The following MAST3 variants were observed in gnomAD, a reference collection of about 807,000 sequenced individuals.
The protein encoded by MAST3 is microtubule associated serine/threonine kinase 3.
A neutral mutation model predicts 127.0 loss-of-function variants in MAST3; 43 were observed. The observed-to-expected ratio is 0.34, with a 90% CI of 0.27 to 0.44. The LOEUF (loss-of-function observed/expected upper bound fraction) is 0.44. MAST3 is among the 20% of genes least tolerant of loss of function. The pLI, the probability that MAST3 is intolerant of heterozygous loss-of-function variation, is 1.00. For missense variants in MAST3, 1,390 were observed against 1,919.1 expected (o/e 0.72, Z 5.15); for synonymous variants, 785 against 809.2 (o/e 0.97, Z 0.51).
rs148746052 is a variant in MAST3 at position 18,139,005 on chromosome 19, C to T, written c.2096-10C>T. Reference sequence around the variant, plus strand: ...ATCAGGCGTGCTGCATGTGCCTCTCCCTCCCACAGCACGTTCGGAACGTTA... The same window carrying T: ...ATCAGGCGTGCTGCATGTGCCTCTCTCTCCCACAGCACGTTCGGAACGTTA... On this transcript the variant is annotated splice_polypyrimidine_tract_variant and intron_variant, in intron 19 of 27. Transcript: ENST00000687212. 7.0e-6 allele frequency: 11 copies of T among 1,564,304 alleles called. No homozygotes were observed. In the East Asian group the frequency reaches 2.6e-4, roughly 37 times the overall value.
chr19:18,143,634 G>A, intron 21 of MAST3, 129 bp from the exon 22 acceptor site: 1 of 1,167,976 alleles, frequency 8.6e-7, no homozygotes, highest in African/African-American at 1.5e-5. Context: ...GCAGACAGAA[G>A]GAACTCGTCC....
chr19:18,098,559 A>G (rs1169694753), intron 1 of MAST3, among the ~76,000 whole-genome samples: 2 of 152,142 alleles, frequency 1.3e-5, no homozygotes, highest in Admixed American at 1.3e-4. Context: ...CGGGGACAGC[A>G]GAAGCCTAAG....
intron 21 of MAST3, among the ~76,000 whole-genome samples, chr19:18,142,772 C>A (rs2042641255): frequency 6.6e-6 from 1 of 151,702 alleles, no homozygotes. Context: ...TCTCAAGTAG[C>A]TGGGACTACA....
intron 17 of MAST3, 85 bp from the exon 18 acceptor site, chr19:18,135,655 G>A (rs2041820904): frequency 5.8e-6 from 6 of 1,036,348 alleles, no homozygotes; most frequent in Non-Finnish European, 8.7e-6. Context: ...GTACAGTGAA[G>A]TGAGGGGAAA....
Position 18,137,390 on chromosome 19 carries a change from C to T in MAST3, c.2095+29C>T, listed in dbSNP as rs374893924. ...AGGAGGGATCCCCCTGGAGGGGGGG[C>T]GGGGGGTGCTCTGCCATCCCTCAGT... On this transcript the variant is annotated intron_variant, in intron 19 of 27. Coordinates refer to ENST00000687212, the MANE Select transcript of MAST3 (RefSeq NM_001393504.1). 49 of 1,601,746 alleles carry T rather than the reference C, an allele frequency of 3.1e-5. 1 individual carries two copies. Among genetic ancestry groups the T allele is most frequent in the East Asian group, 2.2e-4 (10 of 44,728 alleles).
Position 18,124,790 on chromosome 19 carries a change from A to G in MAST3, c.1078+16A>G, listed in dbSNP as rs1463442487. 6.3e-7 allele frequency: 1 copy of G among 1,575,006 alleles called. No individual in the cohort carries two copies. Among genetic ancestry groups the G allele is most frequent in the East Asian group, 2.3e-5 (1 of 44,340 alleles). On this transcript the variant is annotated intron_variant, in intron 11 of 27. Coordinates refer to ENST00000687212, the MANE Select transcript of MAST3 (RefSeq NM_001393504.1). Reference sequence around the variant, plus strand: ...CCCCTGGAGGGTAAGCCGGGATGGGAAGAGGAAACCAAGGCTGGGAAAGGC... The same window carrying G: ...CCCCTGGAGGGTAAGCCGGGATGGGGAGAGGAAACCAAGGCTGGGAAAGGC...
rs535354223 is a variant in MAST3 at position 18,135,109 on chromosome 19, C to T, written c.1870+127C>T. On this transcript the variant is annotated intron_variant, in intron 17 of 27. Transcript: ENST00000687212. ...GGGAGTTGGATGCCAGGTGGGGAGG[C>T]GGTGGGGTGCTGAGTGAGGCGGGTG... The T allele has an allele frequency of 9.0e-4, 1,006 of 1,120,484 alleles. 4 individuals carry two copies. The highest frequency in any genetic ancestry group is 6.5e-3 in the African/African-American group (416 of 64,176). The allele number at this position is 1,120,484 out of a possible 1,614,324, so 69.4% of individuals were successfully genotyped here. A position where few individuals can be genotyped will look rare whatever the true frequency, so the allele number is the denominator to read the frequency against.
intron 20 of MAST3, among the ~76,000 whole-genome samples, chr19:18,140,021 G>C (rs1232851223): frequency 3.3e-5 from 5 of 149,582 alleles, no homozygotes. Context: ...GGGTTTCACC[G>C]TGTTAGCCAG....
At chr19:18,098,211 TTAA>T (rs2146697321) in intron 1 of MAST3, among the ~76,000 whole-genome samples, 1 of 152,306 alleles carries the variant, frequency 6.6e-6, no homozygotes, top group African/African-American at 2.4e-5. Context: ...TTCATATGTA[TTAA>T]TACCTCCTTG....
rs2042938453 is a variant in MAST3, at chr19:18,145,555, G to A, written c.3040-188G>A. 6.6e-6 allele frequency among the ~76,000 whole-genome samples: 1 copy of A among 152,132 alleles called. No individual in the cohort carries two copies. On this transcript the variant is annotated intron_variant, in intron 24 of 27. Coordinates refer to ENST00000687212, the MANE Select transcript of MAST3 (RefSeq NM_001393504.1). This position sits in a 1 kb window ranked among gnomAD's most constrained non-coding sequence, Gnocchi z 5.9. Reference sequence around the variant, plus strand: ...GTTGCTCCCTGAACAGACACAGAAGGCTTTCTGGAGAAGGGGGCGTAGGAG... The same window carrying A: ...GTTGCTCCCTGAACAGACACAGAAGACTTTCTGGAGAAGGGGGCGTAGGAG...
chr19:18,144,299 T>C lies in MAST3; in HGVS notation c.2585-167T>C, dbSNP rs1294051860. ...CTGGAGGAGGGGACTTGAAGACTTT[T>C]GCATAGAGAATAATTTGGGAAGGGA... On this transcript the variant is annotated intron_variant, in intron 22 of 27. Coordinates refer to ENST00000687212, the MANE Select transcript of MAST3 (RefSeq NM_001393504.1). The surrounding 1 kb of genome is among the most constrained non-coding windows in gnomAD (Gnocchi z 4.0). Among the ~76,000 whole-genome samples the C allele has an allele frequency of 1.3e-5, 2 of 152,106 alleles. No individual in the cohort carries two copies. Among genetic ancestry groups the C allele is most frequent in the East Asian group, 3.9e-4 (2 of 5,186 alleles).
chr19:18,149,795 C>A lies in MAST3; in HGVS notation c.*69C>A. 6.3e-7 allele frequency: 1 copy of A among 1,589,690 alleles called. No homozygotes were observed. Among genetic ancestry groups the A allele is most frequent in the South Asian group, 1.1e-5 (1 of 89,410 alleles). ...TTGTGCAATGTTTTTTCCGTAAAGT[C>A]ATGCCTGGATGGGGACTGAGCCACC... On this transcript the variant is annotated 3_prime_UTR_variant, in exon 28 of 28. Transcript: ENST00000687212. This position sits in a 1 kb window ranked among gnomAD's most constrained non-coding sequence, Gnocchi z 5.9.
chr19:18,129,000 A>C, intron 13 of MAST3, 49 bp downstream of exon 13: 1 of 1,522,384 alleles, frequency 6.6e-7, no homozygotes, highest in South Asian at 1.1e-5. Flanking sequence ...GCCTGAGGGG[A>C]TGGTTGAGGC....
At chr19:18,131,148 GCTCACGCCTGTAGT>G (rs1681177486) in intron 14 of MAST3, among the ~76,000 whole-genome samples, 1 of 152,216 alleles carries the variant, frequency 6.6e-6, no homozygotes, top group Non-Finnish European at 1.5e-5. Context: ...TGGCGCGCTG[GCTCACGCCTGTAGT>G]CCCAGCACTT....
At chr19:18,132,870 A>G (rs1217990557) in intron 15 of MAST3, among the ~76,000 whole-genome samples, 1 of 152,204 alleles carries the variant, frequency 6.6e-6, no homozygotes, top group African/African-American at 2.4e-5. Context: ...TGGGAGGCCA[A>G]GGCGGGCGGA....
In MAST3 at chr19:18,149,454, C is replaced by A. The variant is rs970399350; in HGVS notation, c.3772C>A (p.Arg1258=). The change falls in exon 28 of 28, where the codon CGG becomes AGG. Residue 1258 remains arginine, a synonymous_variant. Transcript: ENST00000687212. This position sits in a 1 kb window ranked among gnomAD's most constrained non-coding sequence, Gnocchi z 5.9. ...PAPARSPRLR[R]GQSADKLGTG... is the part of the protein sequence containing the mutation. Reference sequence around the variant, plus strand: ...ACCTGCCCGATCCCCGCGGCTGCGCCGGGGCCAGTCAGCTGACAAGCTGGG... The same window carrying A: ...ACCTGCCCGATCCCCGCGGCTGCGCAGGGGCCAGTCAGCTGACAAGCTGGG... 5.2e-6 allele frequency: 8 copies of A among 1,534,462 alleles called. No homozygotes were observed. In the African/African-American group the frequency reaches 1.1e-4, roughly 21 times the overall value.
intron 11 of MAST3, among the ~76,000 whole-genome samples, chr19:18,127,661 G>C (rs1459614639): frequency 6.6e-6 from 1 of 152,144 alleles, no homozygotes; most frequent in Non-Finnish European, 1.5e-5. Context: ...TCCAGCCTGG[G>C]CGACAGAGTG....
chr19:18,110,088 C>A lies in MAST3; in HGVS notation c.72-564C>A. On this transcript the variant is annotated intron_variant, in intron 2 of 27. Coordinates refer to ENST00000687212, the MANE Select transcript of MAST3 (RefSeq NM_001393504.1). This position sits in a 1 kb window ranked among gnomAD's most constrained non-coding sequence, Gnocchi z 4.3. Reference sequence around the variant, plus strand: ...CTCCCCTTTCCCGCTGCGCGACCCTCGCTGCCGGGCCGGGCCTGCGCGCAG... The same window carrying A: ...CTCCCCTTTCCCGCTGCGCGACCCTAGCTGCCGGGCCGGGCCTGCGCGCAG... 2.0e-6 allele frequency: 2 copies of A among 985,282 alleles called. No homozygotes were observed. The highest frequency in any genetic ancestry group is 2.4e-6 in the Non-Finnish European group (2 of 829,882). The allele number at this position is 985,282 out of a possible 1,614,324, so 61.0% of individuals were successfully genotyped here.
chr19:18,133,838 G>A (rs2041601929), intron 15 of MAST3, among the ~76,000 whole-genome samples: 1 of 152,214 alleles, frequency 6.6e-6, no homozygotes, highest in South Asian at 2.1e-4. Flanking sequence ...ACAGTTGTGA[G>A]CCACTGCGCC....
Sources: allele counts gnomAD v4.1 joint callset (sites outside exome capture counted in the v4.1 genomes callset), GRCh38; gene constraint gnomAD v4.1.1; non-coding constraint Gnocchi (gnomAD v3.1); transcripts MANE v1.5; gene names NCBI Gene and HGNC (gene_info 2026-07-23, HGNC 2026-07-21).